RTN4: variants seen among roughly 807,000 people sequenced by gnomAD.
RTN4 encodes reticulon 4, also known as reticulon-4.
RTN4 carries 32 observed loss-of-function variants against 90.4 expected under a neutral mutation model. The ratio of observed to expected loss-of-function variants is 0.35; its 90% CI spans 0.27 to 0.48. RTN4 has a LOEUF of 0.48. Among genes scored for constraint, RTN4 ranks in the 20% least tolerant of loss-of-function variants. The probability of loss-of-function intolerance (pLI) is 0.99; values close to 1 mark genes in which losing one functional copy is unlikely to be tolerated. For synonymous variants in RTN4, 629 were observed against 552.5 expected (o/e 1.14, Z -1.94); for missense variants, 1,706 against 1,430.2 (o/e 1.19, Z -3.11).
chr2:54,994,544 C>G (rs1207343091), intron 3 of RTN4, among the ~76,000 whole-genome samples: 2 of 152,114 alleles, frequency 1.3e-5, no homozygotes, highest in African/African-American at 2.4e-5. Flanking sequence ...CAAGATAAAA[C>G]ATTTAACATA....
intron 1 of RTN4, 28 bp from the exon 2 acceptor site, chr2:55,028,248 G>A (rs202184005): frequency 1.9e-6 from 3 of 1,598,354 alleles, no homozygotes; most frequent in Non-Finnish European, 2.6e-6. Flanking sequence ...TATAACCTCA[G>A]CAGAAATAAA....
At chr2:55,021,395 C>CA (rs955979852) in intron 3 of RTN4, among the ~76,000 whole-genome samples, 3 of 110,960 alleles carry the variant, frequency 2.7e-5, no homozygotes, top group Admixed American at 2.1e-4. Context: ...TTCCCTGCCC[C>CA]CCCCGCCAAA....
chr2:55,087,271 AT>A (rs1449395712), intron 1 of RTN4, among the ~76,000 whole-genome samples: 3 of 152,068 alleles, frequency 2.0e-5, no homozygotes, highest in Non-Finnish European at 4.4e-5. Context: ...GCATGCATTC[AT>A]TTTTACTGGA....
At chr2:55,044,459 C>T (rs1437993859) in intron 1 of RTN4, among the ~76,000 whole-genome samples, 1 of 151,964 alleles carries the variant, frequency 6.6e-6, no homozygotes, top group African/African-American at 2.4e-5. Flanking sequence ...GCCTGTAATC[C>T]CAGCACTTTG....
chr2:55,047,703 C>T (rs139379973), intron 1 of RTN4, among the ~76,000 whole-genome samples: 11 of 152,284 alleles, frequency 7.2e-5, no homozygotes, highest in African/African-American at 2.6e-4. Flanking sequence ...AAAGGTCCTA[C>T]TGCTAGTGGG....
intron 1 of RTN4, among the ~76,000 whole-genome samples, chr2:55,104,734 A>T (rs1314955425): frequency 2.0e-5 from 3 of 152,068 alleles, no homozygotes; most frequent in East Asian, 3.9e-4. Context: ...GGAAATAATA[A>T]TTTTTTTAAA....
At chr2:55,119,649 T>C in the RTN4 span, among the ~76,000 whole-genome samples, 42,929 of 151,984 alleles carry the variant, frequency 0.28, 6,100 homozygotes, top group Admixed American at 0.31. Context: ...ATAGTGAAAA[T>C]GATGAAAGTA....
Position 54,996,550 on chromosome 2 carries a change from G to A in RTN4, c.3014-8852C>T, listed in dbSNP as rs78981568. The stretch of plus-strand genomic sequence containing the variant: ...TAAACCATTACATTTATGGTCAACT[G>A]ACTTTCACAAGGGTGCCAAGGCAAC... On this transcript the variant is annotated intron_variant, in intron 3 of 8. Transcript: ENST00000337526. 3.3e-5 allele frequency among the ~76,000 whole-genome samples: 5 copies of A among 152,248 alleles called. No individual in the cohort carries two copies. The East Asian group carries it at 7.7e-4, about 23-fold the overall frequency.
upstream of RTN4, among the ~76,000 whole-genome samples, chr2:55,113,679 C>T (rs1668076958): frequency 6.6e-6 from 1 of 152,190 alleles, no homozygotes; most frequent in African/African-American, 2.4e-5. Flanking sequence ...TCACAACCCA[C>T]ATCATCCCAA....
At chr2:54,981,169 T>C (rs1678087997) in intron 5 of RTN4, among the ~76,000 whole-genome samples, 2 of 151,756 alleles carry the variant, frequency 1.3e-5, no homozygotes, top group African/African-American at 4.9e-5. Context: ...TTCCAAGTCA[T>C]AAATAAAAAT....
chr2:54,989,935 G>A (rs549697814), intron 3 of RTN4, among the ~76,000 whole-genome samples: 6 of 152,200 alleles, frequency 3.9e-5, no homozygotes, highest in African/African-American at 1.4e-4. Flanking sequence ...CACGGGGAGT[G>A]ATGATAAAGA....
chr2:55,012,396 T>C (rs1182553326), intron 3 of RTN4, among the ~76,000 whole-genome samples: 1 of 151,214 alleles, frequency 6.6e-6, no homozygotes, highest in Admixed American at 6.6e-5. Context: ...TTTATGGTCT[T>C]TGTAAGTGTA....
chr2:55,093,258 G>A (rs1490172135), intron 1 of RTN4, among the ~76,000 whole-genome samples: 1 of 152,082 alleles, frequency 6.6e-6, no homozygotes, highest in African/African-American at 2.4e-5. Flanking sequence ...TTTTGTGGTT[G>A]AAATGCTAAA....
chr2:55,111,843 C>A (rs1352914467), intron 1 of RTN4, among the ~76,000 whole-genome samples: 1 of 152,208 alleles, frequency 6.6e-6, no homozygotes, highest in African/African-American at 2.4e-5. Flanking sequence ...GTCTATCCAT[C>A]TTCCCGAATG....
intron 2 of RTN4, among the ~76,000 whole-genome samples, chr2:55,061,897 C>G (rs1467974195): frequency 1.3e-5 from 2 of 152,122 alleles, no homozygotes; most frequent in South Asian, 2.1e-4. Context: ...GCCACGCCCC[C>G]ATCCTGTGCC....
At chr2:55,097,050 A>T (rs1485359519) in intron 1 of RTN4, among the ~76,000 whole-genome samples, 2 of 151,798 alleles carry the variant, frequency 1.3e-5, no homozygotes, top group African/African-American at 2.4e-5. Flanking sequence ...AGATAGTGAT[A>T]TCTGAGCAAT....
At chr2:55,014,522 A>AT (rs71410410) in intron 3 of RTN4, 39,064 of 145,864 alleles carry the variant, frequency 0.27, 5,236 homozygotes, top group South Asian at 0.51. Context: ...TGAAGCAAGC[A>AT]TTTTTTTTTT....
At chr2:55,131,656 G>C in the RTN4 span, among the ~76,000 whole-genome samples, 2 of 152,114 alleles carry the variant, frequency 1.3e-5, no homozygotes, top group African/African-American at 4.8e-5. Context: ...AGCCGAGGTG[G>C]GTGTATCACC....
At chr2:55,082,985 C>A (rs1013376153) in intron 1 of RTN4, among the ~76,000 whole-genome samples, 19 of 152,058 alleles carry the variant, frequency 1.2e-4, no homozygotes, top group African/African-American at 4.6e-4. Flanking sequence ...GAGATTCAAA[C>A]TCAGGTCTAA....
Sources: allele counts gnomAD v4.1 joint callset (sites outside exome capture counted in the v4.1 genomes callset), GRCh38; gene constraint gnomAD v4.1.1; transcripts MANE v1.5; gene names NCBI Gene and HGNC (gene_info 2026-07-23, HGNC 2026-07-21).